Variants in RBFOX1 observed in about 807,000 individuals in gnomAD.
RBFOX1 encodes RNA binding fox-1 homolog 1, also known as RNA binding protein fox-1 homolog 1.
RBFOX1 carries 8 observed loss-of-function variants against 57.7 expected under a neutral mutation model. The ratio of observed to expected loss-of-function variants is 0.14; its 90% CI spans 0.08 to 0.25. RBFOX1 has a LOEUF of 0.25. Ranked by LOEUF, RBFOX1 falls within the 10% of genes least tolerant of loss-of-function variation. RBFOX1 has a pLI of 1.00. For missense variants in RBFOX1, 611 were observed against 548.5 expected (o/e 1.11, Z -1.14); for synonymous variants, 326 against 222.4 (o/e 1.47, Z -4.15).
chr16:7,145,674 T>A (rs924181591), intron 4 of RBFOX1, among the ~76,000 whole-genome samples: 1 of 152,190 alleles, frequency 6.6e-6, no homozygotes, highest in African/African-American at 2.4e-5. Context: ...GAATTCTGTT[T>A]CATTTAGATA....
At chr16:7,245,326 AATTTT>A (rs1489878909) in intron 4 of RBFOX1, among the ~76,000 whole-genome samples, 1 of 151,856 alleles carries the variant, frequency 6.6e-6, no homozygotes, top group African/African-American at 2.4e-5. Flanking sequence ...AGTTTTTTTA[AATTTT>A]ATTTTAGGTT....
intron 1 of RBFOX1, among the ~76,000 whole-genome samples, chr16:6,195,555 T>TAA (rs1470762792): frequency 1.3e-5 from 2 of 151,890 alleles, no homozygotes. Context: ...CCATGTCTAC[T>TAA]AAAAATACAA....
chr16:7,631,776 T>C (rs758491), intron 11 of RBFOX1, among the ~76,000 whole-genome samples: 54,111 of 151,988 alleles, frequency 0.36, 9,928 homozygotes, highest in East Asian at 0.69. Context: ...TCCTAAATTG[T>C]GAAGCTGAGG....
intron 3 of RBFOX1, among the ~76,000 whole-genome samples, chr16:6,801,623 G>C (rs1326694471): frequency 6.6e-6 from 1 of 151,964 alleles, no homozygotes; most frequent in Non-Finnish European, 1.5e-5. Flanking sequence ...TGTCCATCAG[G>C]AGACAGCTAA....
intron 2 of RBFOX1, among the ~76,000 whole-genome samples, chr16:6,346,340 C>G (rs2085357219): frequency 6.6e-6 from 1 of 152,164 alleles, no homozygotes; most frequent in African/African-American, 2.4e-5. Context: ...GTGACTGAGT[C>G]CTTAGTTAAC....
intron 2 of RBFOX1, among the ~76,000 whole-genome samples, chr16:6,622,467 C>A (rs1321537894): frequency 6.6e-6 from 1 of 152,008 alleles, no homozygotes; most frequent in Non-Finnish European, 1.5e-5. Flanking sequence ...ATAGGCTAGA[C>A]CATATAGAGT....
At chr16:5,369,419 C>T (rs903076109) in intron 1 of RBFOX1, among the ~76,000 whole-genome samples, 3 of 152,354 alleles carry the variant, frequency 2.0e-5, no homozygotes, top group South Asian at 4.1e-4. Context: ...CAGACATAGT[C>T]GTCTCCCAGT....
chr16:7,087,550 A>G (rs1204740580), intron 4 of RBFOX1, among the ~76,000 whole-genome samples: 1 of 149,508 alleles, frequency 6.7e-6, no homozygotes, highest in Non-Finnish European at 1.5e-5. Context: ...AGGAAGGGAA[A>G]AGAGAGAGAG....
chr16:6,460,797 A>G (rs2094899738), intron 2 of RBFOX1, among the ~76,000 whole-genome samples: 1 of 147,802 alleles, frequency 6.8e-6, no homozygotes, highest in South Asian at 2.2e-4. Flanking sequence ...ACATGCACGT[A>G]TATGTTAATA....
chr16:6,321,355 G>A (rs1024262573), intron 2 of RBFOX1, among the ~76,000 whole-genome samples: 42 of 152,138 alleles, frequency 2.8e-4, no homozygotes, highest in African/African-American at 9.9e-4. Context: ...AGAAGTGTCC[G>A]TCCTTGTACC....
intron 4 of RBFOX1, among the ~76,000 whole-genome samples, chr16:7,295,904 G>C (rs1466882275): frequency 6.6e-6 from 1 of 152,182 alleles, no homozygotes; most frequent in Non-Finnish European, 1.5e-5. Flanking sequence ...CTGTGGTTCA[G>C]GAAACTCAGA....
chr16:7,657,989 A>G (rs2066747193), intron 12 of RBFOX1, among the ~76,000 whole-genome samples: 1 of 152,068 alleles, frequency 6.6e-6, no homozygotes, highest in South Asian at 2.1e-4. Context: ...TGGCTTGGAT[A>G]GCTTACTTAA....
At chr16:6,668,972 A>T (rs966528665) in intron 3 of RBFOX1, among the ~76,000 whole-genome samples, 1 of 152,146 alleles carries the variant, frequency 6.6e-6, no homozygotes, top group Non-Finnish European at 1.5e-5. Flanking sequence ...GAGTGGAGTG[A>T]ACGTTAATTA....
chr16:5,816,715 C>T (rs1387407056), intron 3 of RBFOX1, among the ~76,000 whole-genome samples: 1 of 152,128 alleles, frequency 6.6e-6, no homozygotes. Flanking sequence ...GCCTGGGAGG[C>T]TGAGGCTGCA....
At chr16:6,285,027 T>C (rs559594454) in intron 1 of RBFOX1, among the ~76,000 whole-genome samples, 1 of 152,272 alleles carries the variant, frequency 6.6e-6, no homozygotes, top group East Asian at 1.9e-4. Flanking sequence ...AGTTAGCCAG[T>C]CTTAAACCGA....
chr16:7,001,972 C>T (rs1418299092), intron 3 of RBFOX1, among the ~76,000 whole-genome samples: 1 of 152,044 alleles, frequency 6.6e-6, no homozygotes, highest in Non-Finnish European at 1.5e-5. Context: ...CACGATTGAG[C>T]ACGTGAGTGA....
At chr16:5,935,528 A>C (rs540399308) in intron 4 of RBFOX1, among the ~76,000 whole-genome samples, 4 of 152,174 alleles carry the variant, frequency 2.6e-5, no homozygotes, top group Non-Finnish European at 5.9e-5. Context: ...GCCGGTGGAC[A>C]GTGGCCTGGA....
chr16:7,156,295 T>G (rs967548492), intron 4 of RBFOX1, among the ~76,000 whole-genome samples: 1 of 149,464 alleles, frequency 6.7e-6, no homozygotes. Context: ...CATGTAGATA[T>G]AGGTAGTGTA....
intron 1 of RBFOX1, among the ~76,000 whole-genome samples, chr16:6,112,410 GC>G (rs1167688240): frequency 6.6e-6 from 1 of 152,200 alleles, no homozygotes; most frequent in Non-Finnish European, 1.5e-5. Flanking sequence ...GAAGTCCGAG[GC>G]TGGGCACGGT....
Sources: allele counts gnomAD v4.1 joint callset (sites outside exome capture counted in the v4.1 genomes callset), GRCh38; gene constraint gnomAD v4.1.1; transcripts MANE v1.5; gene names NCBI Gene and HGNC (gene_info 2026-07-23, HGNC 2026-07-21).